Variants in LRIF1 observed in about 807,000 individuals in gnomAD.
LRIF1 encodes ligand-dependent nuclear receptor-interacting factor 1.
Under a neutral mutation model 52.7 loss-of-function variants are expected in LRIF1, and 32 were observed. The observed-to-expected ratio is 0.61, with a 90% CI of 0.46 to 0.82. LRIF1 has a LOEUF of 0.82. Among genes scored for constraint, LRIF1 ranks in the 40% least tolerant of loss-of-function variants. The probability of loss-of-function intolerance (pLI) is 0.00; values close to 1 mark genes in which losing one functional copy is unlikely to be tolerated. For synonymous variants in LRIF1, 323 were observed against 317.4 expected (o/e 1.02, Z -0.19); for missense variants, 887 against 892.0 (o/e 0.99, Z 0.07).
At chr1:110,925,945 T>C in the LRIF1 span, among the ~76,000 whole-genome samples, 2 of 152,026 alleles carry the variant, frequency 1.3e-5, no homozygotes, top group African/African-American at 4.8e-5. Flanking sequence ...AATAAAAGAA[T>C]AAATCTAATA....
the LRIF1 span, among the ~76,000 whole-genome samples, chr1:110,926,380 A>G: frequency 1.3e-5 from 2 of 152,012 alleles, no homozygotes; most frequent in Non-Finnish European, 2.9e-5. Context: ...AATATATCAC[A>G]TGGCAACAGA....
At position 110,947,478 on chromosome 1, in the gene LRIF1, ATGG is replaced by A. The variant is rs887391854; in HGVS notation, c.*478_*480del. The A allele has an allele frequency of 6.6e-6, 1 of 152,438 alleles. No homozygotes were observed. The highest frequency in any genetic ancestry group is 1.5e-5 in the Non-Finnish European group (1 of 68,212). 9.4% of individuals were successfully genotyped at this position (152,438 alleles called of 1,614,324 possible). A position where few individuals can be genotyped will look rare whatever the true frequency, so the allele number is the denominator to read the frequency against. ...TTATTTCACGACATTAAAAAAAACA[ATGG>A]TGAATACAAGGTATCATCATTTTAA... On this transcript the variant is annotated 3_prime_UTR_variant, in exon 4 of 4. Transcript: ENST00000369763.
chr1:110,944,512 A>G (rs1167361879), downstream of LRIF1: 1 of 152,244 alleles, frequency 6.6e-6, no homozygotes, highest in Admixed American at 6.5e-5. Flanking sequence ...GAGAGTGAGT[A>G]TAAGCAAAGA....
At chr1:110,891,740 A>G in the LRIF1 span, among the ~76,000 whole-genome samples, 1 of 152,218 alleles carries the variant, frequency 6.6e-6, no homozygotes, top group Non-Finnish European at 1.5e-5. Context: ...TAGCTAACAT[A>G]TATAGGTGAG....
At chr1:110,899,258 C>A in the LRIF1 span, 1 of 1,170,640 alleles carries the variant, frequency 8.5e-7, no homozygotes, top group Non-Finnish European at 1.3e-6. Context: ...CCATTTATAG[C>A]ATGAAGCCCT....
intron 1 of LRIF1, among the ~76,000 whole-genome samples, chr1:110,961,618 A>G (rs1245076712): frequency 5.3e-5 from 8 of 152,196 alleles, no homozygotes; most frequent in African/African-American, 1.7e-4. Context: ...TGCTACTGAA[A>G]AATTTTAAAT....
chr1:110,900,539 G>A, the LRIF1 span, among the ~76,000 whole-genome samples: 1 of 151,980 alleles, frequency 6.6e-6, no homozygotes, highest in African/African-American at 2.4e-5. Context: ...ATTTTTTTGT[G>A]TGTTTTTAGT....
the LRIF1 span, among the ~76,000 whole-genome samples, chr1:110,931,907 T>G: frequency 6.6e-6 from 1 of 152,228 alleles, no homozygotes; most frequent in African/African-American, 2.4e-5. Flanking sequence ...ATGGGTAGAT[T>G]GCAAAGATTT....
chr1:110,917,365 T>C, the LRIF1 span, among the ~76,000 whole-genome samples: 2 of 152,232 alleles, frequency 1.3e-5, no homozygotes, highest in Admixed American at 6.5e-5. Context: ...ACAATGTCTT[T>C]TCAGAGATTG....
chr1:110,914,734 C>A, the LRIF1 span, among the ~76,000 whole-genome samples: 1 of 152,114 alleles, frequency 6.6e-6, no homozygotes, highest in Non-Finnish European at 1.5e-5. Flanking sequence ...GCCTGGGTGA[C>A]ACAGCCAGAA....
chr1:110,949,695 G>C (rs1421729845), intron 3 of LRIF1, among the ~76,000 whole-genome samples, 156 bp downstream of exon 3: 1 of 152,078 alleles, frequency 6.6e-6, no homozygotes, highest in African/African-American at 2.4e-5. Context: ...GCTGGGGCCT[G>C]GTTGTTTTAA....
At chr1:110,944,749 A>G (rs1346276766), downstream of LRIF1, 1 of 152,200 alleles carries the variant, frequency 6.6e-6, no homozygotes, top group African/African-American at 2.4e-5. Context: ...AAAGCTCTAC[A>G]GGGTATAACA....
At chr1:110,879,094 G>A in the LRIF1 span, among the ~76,000 whole-genome samples, 2 of 152,008 alleles carry the variant, frequency 1.3e-5, no homozygotes, top group Non-Finnish European at 1.5e-5. Context: ...ACAAGCAAGG[G>A]ATTATTCTTG....
chr1:110,879,036 T>A, the LRIF1 span, among the ~76,000 whole-genome samples: 4 of 152,232 alleles, frequency 2.6e-5, no homozygotes, highest in African/African-American at 9.6e-5. Context: ...TTTGTTTTTT[T>A]ATTTTTTTTA....
At chr1:110,953,427 CAT>C (rs1658564288) in intron 1 of LRIF1, among the ~76,000 whole-genome samples, 1 of 152,220 alleles carries the variant, frequency 6.6e-6, no homozygotes. Context: ...TTTAGTGCTA[CAT>C]AGTCTCTGGT....
At chr1:110,896,643 T>C in the LRIF1 span, 6 of 1,611,482 alleles carry the variant, frequency 3.7e-6, no homozygotes, top group Non-Finnish European at 5.1e-6. Context: ...TTTGGGGGTT[T>C]GGCTTTTAGC....
the LRIF1 span, among the ~76,000 whole-genome samples, chr1:110,925,410 T>TTG: frequency 2.3e-5 from 2 of 87,970 alleles, no homozygotes; most frequent in African/African-American, 5.9e-5. Flanking sequence ...TTTCTTAAAA[T>TTG]CTTTCTCTCT....
At chr1:110,945,615 G>T (rs984728565), downstream of LRIF1, among the ~76,000 whole-genome samples, 1 of 152,252 alleles carries the variant, frequency 6.6e-6, no homozygotes, top group South Asian at 2.1e-4. Flanking sequence ...TAGTAGAGAC[G>T]GGGTTTCACC....
At chr1:110,945,253 A>G (rs1050582691), downstream of LRIF1, 1 of 152,210 alleles carries the variant, frequency 6.6e-6, no homozygotes, top group African/African-American at 2.4e-5. Flanking sequence ...ATATGTATGT[A>G]TGACGCACAC....
Sources: gnomAD v4.1 joint callset for allele counts (sites outside exome capture counted in the v4.1 genomes callset) on GRCh38, gnomAD v4.1.1 for gene constraint, MANE v1.5 for transcripts, NCBI Gene and HGNC (gene_info 2026-07-23, HGNC 2026-07-21) for gene names.